Variants in DMXL2 observed in about 807,000 individuals in gnomAD.
DMXL2 encodes the protein dmX-like protein 2.
In DMXL2, 103 loss-of-function variants were observed where a neutral mutation model predicts 331.1. The observed-to-expected ratio is 0.31, with a 90% CI of 0.27 to 0.37. The LOEUF (loss-of-function observed/expected upper bound fraction) is 0.37. Ranked by LOEUF, DMXL2 falls within the 10% of genes least tolerant of loss-of-function variation. The probability of loss-of-function intolerance (pLI) is 1.00; values close to 1 mark genes in which losing one functional copy is unlikely to be tolerated. For missense variants in DMXL2, 3,171 were observed against 3,642.9 expected, an observed-to-expected ratio of 0.87 and a Z score of 3.33; for synonymous variants, 1,281 against 1,252.1, an observed-to-expected ratio of 1.02 and a Z score of -0.49.
chr15:51,597,036 C>T (rs902014855), intron 1 of DMXL2, among the ~76,000 whole-genome samples: 7 of 152,020 alleles, frequency 4.6e-5, no homozygotes, highest in African/African-American at 1.2e-4. Context: ...CTAACCTGCA[C>T]GTTGTGCACA....
At chr15:51,545,899 T>C (rs1208542912) in intron 7 of DMXL2, 133 bp from the exon 8 acceptor site, 2 of 668,246 alleles carry the variant, frequency 3.0e-6, no homozygotes, top group Admixed American at 3.0e-5. Flanking sequence ...ATCAAAGAGC[T>C]TGAAATCATA....
chr15:51,509,538 C>G (rs1340746691), intron 15 of DMXL2, among the ~76,000 whole-genome samples: 1 of 152,172 alleles, frequency 6.6e-6, no homozygotes, highest in African/African-American at 2.4e-5. Flanking sequence ...AGACCAATAA[C>G]AAGTTCTGAA....
chr15:51,462,891 T>C (rs2040251877), intron 33 of DMXL2, among the ~76,000 whole-genome samples: 1 of 152,242 alleles, frequency 6.6e-6, no homozygotes, highest in Admixed American at 6.5e-5. Context: ...TCTTGCTTTG[T>C]AAGAGCAATC....
chr15:51,537,339 T>C, intron 11 of DMXL2, 149 bp downstream of exon 11: 1 of 705,162 alleles, frequency 1.4e-6, no homozygotes, highest in Non-Finnish European at 2.3e-6. Flanking sequence ...TGGTCACTGA[T>C]CCCTTCTGAA....
Position 51,464,728 on chromosome 15 carries a change from T to A in DMXL2, c.7755A>T (p.Gly2585=), listed in dbSNP as rs947339587. Residue 2585 remains glycine, a synonymous_variant, in exon 32 of 44, where the codon GGA becomes GGT. Transcript: ENST00000560891. ...TTGCTTTATTTCGAAGAATAGCTGG[T>A]CCAGCTCCCACTGAAAGGTCAGTTG... is the stretch of plus-strand genomic sequence containing the variant. The part of the protein sequence containing the change: ...TYPTDLSVGA[G]PAILRNKAML... 6.2e-7 allele frequency: 1 copy of A among 1,614,052 alleles called. No individual in the cohort carries two copies. The highest frequency in any genetic ancestry group is 1.3e-5 in the African/African-American group (1 of 74,940).
At chr15:51,464,264 T>C (rs1196108068) in intron 32 of DMXL2, among the ~76,000 whole-genome samples, 1 of 152,118 alleles carries the variant, frequency 6.6e-6, no homozygotes, top group Non-Finnish European at 1.5e-5. Flanking sequence ...AATTAGCCGA[T>C]GGCGCTCGCC....
At chr15:51,517,188 A>G (rs767741589) in intron 13 of DMXL2, 21 bp from the exon 14 acceptor site, 1 of 1,559,876 alleles carries the variant, frequency 6.4e-7, no homozygotes, top group Non-Finnish European at 8.8e-7. Flanking sequence ...AAAACACAAA[A>G]TGTTAATGGC....
chr15:51,613,780 T>C (rs747200976), intron 1 of DMXL2, among the ~76,000 whole-genome samples: 1 of 152,218 alleles, frequency 6.6e-6, no homozygotes, highest in South Asian at 2.1e-4. Context: ...ACAGTCATGT[T>C]TGAATTTTCC....
intron 6 of DMXL2, among the ~76,000 whole-genome samples, chr15:51,552,530 T>G (rs28658123): frequency 1.3e-5 from 2 of 152,212 alleles, no homozygotes; most frequent in Non-Finnish European, 2.9e-5. Context: ...TGTTTAACTG[T>G]TCTCCCATGT....
In DMXL2 at chr15:51,450,279, C is replaced by A; in HGVS notation, c.8817G>T (p.Ser2939=). The part of the protein sequence containing the change: ...QYAPKQQLLI[S]GGRKGHVCIF... The stretch of plus-strand genomic sequence containing the variant: ...TGCAGACGTGTCCTTTCCTACCCCC[C>A]GAGATTAGGAGTTGCTGTTTGGGTG... Residue 2939 remains serine (S), a synonymous_variant, in exon 43 of 44, where the codon TCG becomes TCT. Coordinates refer to ENST00000560891, the MANE Select transcript of DMXL2 (RefSeq NM_001378457.1). The A allele has an allele frequency of 1.2e-6, 2 of 1,614,010 alleles. No individual in the cohort carries two copies. The highest frequency in any genetic ancestry group is 1.7e-6 in the Non-Finnish European group (2 of 1,180,000).
At chr15:51,482,946 T>A (rs1196519373) in intron 23 of DMXL2, among the ~76,000 whole-genome samples, 1 of 152,150 alleles carries the variant, frequency 6.6e-6, no homozygotes, top group East Asian at 1.9e-4. Context: ...GCACCTGTGG[T>A]GACTGCAAGT....
At chr15:51,456,518 G>C in intron 37 of DMXL2, 149 bp from the exon 38 acceptor site, 1 of 587,978 alleles carries the variant, frequency 1.7e-6, no homozygotes, top group Non-Finnish European at 3.0e-6. Context: ...CCACTACATA[G>C]AACACTTGTC....
intron 2 of DMXL2, among the ~76,000 whole-genome samples, chr15:51,572,964 G>C (rs557821893): frequency 6.6e-6 from 1 of 152,206 alleles, no homozygotes; most frequent in African/African-American, 2.4e-5. Flanking sequence ...AGAAATAAAG[G>C]GTATTCAATT....
chr15:51,470,891 A>C (rs950860685), intron 29 of DMXL2, among the ~76,000 whole-genome samples: 8 of 152,116 alleles, frequency 5.3e-5, no homozygotes, highest in Non-Finnish European at 1.5e-5. Context: ...CATGCTTACC[A>C]AGGGAGCCAC....
chr15:51,605,517 C>CTTTTTT lies in DMXL2; in HGVS notation c.87+16936_87+16941dup, dbSNP rs58113467. 6.3e-4 allele frequency among the ~76,000 whole-genome samples: 14 copies of CTTTTTT among 22,226 alleles called. 6 individuals carry two copies. Among genetic ancestry groups the CTTTTTT allele is most frequent in the Non-Finnish European group, 1.4e-3 (12 of 8,536 alleles). The allele number at this position is 22,226 out of a possible 152,430, so 14.6% of individuals were successfully genotyped here. On this transcript the variant is annotated intron_variant, in intron 1 of 43. Coordinates refer to ENST00000560891, the MANE Select transcript of DMXL2 (RefSeq NM_001378457.1). ...GGCCCAGCCCATACAGATTAATATT[C>CTTTTTT]TTTTTTTTTTTTTTTTTTTTTTTTT... is the stretch of plus-strand genomic sequence containing the variant.
At chr15:51,610,789 A>G (rs1191094874) in intron 1 of DMXL2, among the ~76,000 whole-genome samples, 1 of 152,108 alleles carries the variant, frequency 6.6e-6, no homozygotes, top group Non-Finnish European at 1.5e-5. Flanking sequence ...AAAACTTATA[A>G]AAACTGACCA....
intron 1 of DMXL2, among the ~76,000 whole-genome samples, chr15:51,611,148 T>C (rs1166444066): frequency 6.6e-6 from 1 of 151,496 alleles, no homozygotes; most frequent in Admixed American, 6.6e-5. Flanking sequence ...AAATAGAAAA[T>C]AAGTATATAA....
rs920541453 is a variant in DMXL2 at position 51,459,751 on chromosome 15, C to T, written c.7927-91G>A. 4 of 1,261,124 alleles carry T rather than the reference C, an allele frequency of 3.2e-6. No individual in the cohort carries two copies. The African/African-American group carries it at 6.2e-5, about 19-fold the overall frequency. The allele number at this position is 1,261,124 out of a possible 1,614,324, so 78.1% of individuals were successfully genotyped here. A position where few individuals can be genotyped will look rare whatever the true frequency, so the allele number is the denominator to read the frequency against. ...AATATTTCAAGCTGAAATGGCCACT[C>T]CACCACTTAAAGATGATAAAAATGA... On this transcript the variant is annotated intron_variant, in intron 33 of 43. Transcript: ENST00000560891.
chr15:51,489,864 T>G (rs1018023890), intron 20 of DMXL2, among the ~76,000 whole-genome samples: 4 of 152,204 alleles, frequency 2.6e-5, no homozygotes, highest in African/African-American at 9.6e-5. Context: ...CATATCCCTT[T>G]GATTTAATTT....
Sources: gnomAD v4.1 joint callset for allele counts (sites outside exome capture counted in the v4.1 genomes callset) on GRCh38, gnomAD v4.1.1 for gene constraint, MANE v1.5 for transcripts, NCBI Gene and HGNC (gene_info 2026-07-23, HGNC 2026-07-21) for gene names.